SEMA3A: variants seen among roughly 807,000 people sequenced by gnomAD.
SEMA3A encodes semaphorin-3A.
SEMA3A carries 29 observed loss-of-function variants against 97.9 expected under a neutral mutation model. That is an observed-to-expected ratio of 0.30 (90% confidence interval 0.22 to 0.40). The LOEUF is 0.40. Ranked by LOEUF, SEMA3A falls within the 10% of genes least tolerant of loss-of-function variation. The pLI is 1.00. For synonymous variants in SEMA3A, 321 were observed against 323.7 expected (o/e 0.99, Z 0.09); for missense variants, 763 against 951.3 (o/e 0.80, Z 2.60).
At chr7:84,000,594 T>C (rs1790400896) in intron 12 of SEMA3A, among the ~76,000 whole-genome samples, 1 of 152,120 alleles carries the variant, frequency 6.6e-6, no homozygotes. Flanking sequence ...AAATAGGTAT[T>C]ATGCTCATTG....
rs1227676001 is a variant in SEMA3A at position 84,019,313 on chromosome 7, A to G, written c.668-4962T>C. Among the ~76,000 whole-genome samples, 4 of 151,992 alleles carry G rather than the reference A, an allele frequency of 2.6e-5. No homozygotes were observed. In the South Asian group the frequency reaches 6.2e-4, roughly 24 times the overall value. On this transcript the variant is annotated intron_variant, in intron 6 of 16. Transcript: ENST00000265362. Reference sequence around the variant, plus strand: ...AAGGACATGAATAAAAAAGCTTAGGAAGGAAATGTGAACTAGAGTTGAAGT... The same window carrying G: ...AAGGACATGAATAAAAAAGCTTAGGGAGGAAATGTGAACTAGAGTTGAAGT...
At chr7:84,488,991 C>T (rs950759010) in intron 1 of SEMA3A, 2 of 152,060 alleles carry the variant, frequency 1.3e-5, no homozygotes, top group Admixed American at 1.3e-4. Flanking sequence ...TTAATTTGAA[C>T]CCAAGTTACA....
At chr7:84,474,950 CTATT>C (rs1015508499) in intron 1 of SEMA3A, among the ~76,000 whole-genome samples, 3 of 151,784 alleles carry the variant, frequency 2.0e-5, no homozygotes, top group African/African-American at 4.8e-5. Flanking sequence ...AGAGAGAAAA[CTATT>C]TAAACGCCTA....
chr7:83,977,654 A>G (rs1035659552), intron 14 of SEMA3A, among the ~76,000 whole-genome samples: 6 of 152,056 alleles, frequency 3.9e-5, no homozygotes, highest in African/African-American at 1.4e-4. Context: ...ATTCACATGA[A>G]TGTTCTCTTT....
intron 6 of SEMA3A, among the ~76,000 whole-genome samples, chr7:84,037,313 TC>T (rs1024894670): frequency 1.3e-5 from 2 of 152,066 alleles, no homozygotes; most frequent in African/African-American, 4.8e-5. Flanking sequence ...AGCCCTGGCA[TC>T]TTTTGTTTAT....
chr7:84,386,444 C>T (rs1359819081), intron 1 of SEMA3A, among the ~76,000 whole-genome samples: 4 of 152,176 alleles, frequency 2.6e-5, no homozygotes, highest in African/African-American at 9.6e-5. Flanking sequence ...CTGTTTTAGG[C>T]CTGCAAGGAG....
intron 1 of SEMA3A, among the ~76,000 whole-genome samples, chr7:84,156,254 G>C (rs1796842543): frequency 6.6e-6 from 1 of 152,020 alleles, no homozygotes; most frequent in African/African-American, 2.4e-5. Flanking sequence ...CTAAAGTATA[G>C]CATTTTTTGC....
At chr7:84,399,106 A>G (rs1484293858) in intron 1 of SEMA3A, among the ~76,000 whole-genome samples, 1 of 152,172 alleles carries the variant, frequency 6.6e-6, no homozygotes, top group African/African-American at 2.4e-5. Flanking sequence ...GTCTGAAAAG[A>G]GAATCTGTGT....
Position 83,994,385 on chromosome 7 carries a change from A to T in SEMA3A, c.1452+7570T>A, listed in dbSNP as rs1790108259. ...GAACTGCGTTCCTTGGGAGGAGGAGAGGTGCTCTGCTTTTTAGAGTTTCCA... is the reference window on the plus strand; with the variant it reads ...GAACTGCGTTCCTTGGGAGGAGGAGTGGTGCTCTGCTTTTTAGAGTTTCCA... On this transcript the variant is annotated intron_variant, in intron 12 of 16. Transcript: ENST00000265362. Among the ~76,000 whole-genome samples, 2 of 117,550 alleles carry T rather than the reference A, an allele frequency of 1.7e-5. 1 individual carries two copies. The highest frequency in any genetic ancestry group is 1.9e-4 in the Admixed American group (2 of 10,482). 77.1% of individuals were successfully genotyped at this position (117,550 alleles called of 152,430 possible).
chr7:84,014,432 T>A, intron 6 of SEMA3A, 81 bp from the exon 7 acceptor site: 1 of 1,083,128 alleles, frequency 9.2e-7, no homozygotes, highest in Non-Finnish European at 1.3e-6. Flanking sequence ...TTTACTTTTT[T>A]TAACTCTTAA....
intron 1 of SEMA3A, among the ~76,000 whole-genome samples, chr7:84,393,025 C>T (rs2116181527): frequency 6.6e-6 from 1 of 152,190 alleles, no homozygotes; most frequent in South Asian, 2.1e-4. Context: ...GTTTCCTTTG[C>T]TATGCAGAAT....
In SEMA3A at chr7:84,026,016, T is replaced by C. The variant is rs187813237; in HGVS notation, c.668-11665A>G. Among the ~76,000 whole-genome samples the C allele has an allele frequency of 6.6e-5, 10 of 152,344 alleles. No individual in the cohort carries two copies. The East Asian group carries it at 1.5e-3, about 24-fold the overall frequency. ...ACTTTTTAATCATTAATCAAGAGAATAGTGGGAAAGATTGCTACCTTCTAG... is the reference window on the plus strand; with the variant it reads ...ACTTTTTAATCATTAATCAAGAGAACAGTGGGAAAGATTGCTACCTTCTAG... On this transcript the variant is annotated intron_variant, in intron 6 of 16. Transcript: ENST00000265362.
At chr7:84,016,266 A>G (rs1043898423) in intron 6 of SEMA3A, among the ~76,000 whole-genome samples, 1 of 152,106 alleles carries the variant, frequency 6.6e-6, no homozygotes, top group Non-Finnish European at 1.5e-5. Flanking sequence ...CTGGCCGGGC[A>G]CGGTGGCTCA....
chr7:84,327,106 G>C (rs1289745507), intron 2 of SEMA3A, among the ~76,000 whole-genome samples: 1 of 151,906 alleles, frequency 6.6e-6, no homozygotes, highest in African/African-American at 2.4e-5. Flanking sequence ...TAAATTTATA[G>C]AAGAAAATAA....
At chr7:84,134,485 G>A (rs1010674188) in intron 2 of SEMA3A, among the ~76,000 whole-genome samples, 4 of 152,154 alleles carry the variant, frequency 2.6e-5, no homozygotes, top group African/African-American at 9.7e-5. Flanking sequence ...AGTTCATGAA[G>A]TCAATTATGA....
chr7:84,394,748 T>C (rs1349476603), intron 1 of SEMA3A, among the ~76,000 whole-genome samples: 1 of 152,138 alleles, frequency 6.6e-6, no homozygotes, highest in East Asian at 1.9e-4. Flanking sequence ...AGAATTTTCA[T>C]TGCCAGCAAT....
intron 3 of SEMA3A, among the ~76,000 whole-genome samples, chr7:84,269,305 C>T (rs540418580): frequency 6.6e-6 from 1 of 151,984 alleles, no homozygotes; most frequent in Admixed American, 6.6e-5. Context: ...TTAACAAAAC[C>T]TATAAAAATG....
intron 1 of SEMA3A, among the ~76,000 whole-genome samples, chr7:84,377,046 G>A (rs550692464): frequency 6.6e-6 from 1 of 152,184 alleles, no homozygotes; most frequent in East Asian, 1.9e-4. Context: ...GAGTATTTCT[G>A]CTTTGGTTGC....
At chr7:84,139,610 A>G (rs1796240344) in intron 1 of SEMA3A, among the ~76,000 whole-genome samples, 1 of 152,106 alleles carries the variant, frequency 6.6e-6, no homozygotes, top group African/African-American at 2.4e-5. Context: ...TTACTATTAT[A>G]TAAGACAATG....
Sources: gnomAD v4.1 joint callset for allele counts (sites outside exome capture counted in the v4.1 genomes callset) on GRCh38, gnomAD v4.1.1 for gene constraint, MANE v1.5 for transcripts, NCBI Gene and HGNC (gene_info 2026-07-23, HGNC 2026-07-21) for gene names.